The following SEMA5B variants were observed in gnomAD, a reference collection of about 807,000 sequenced individuals.
The protein encoded by SEMA5B is semaphorin-5B.
In SEMA5B, 66 loss-of-function variants were observed where a neutral mutation model predicts 135.0. The ratio of observed to expected loss-of-function variants is 0.49; its 90% CI spans 0.40 to 0.60. SEMA5B has a LOEUF of 0.60. Among genes scored for constraint, SEMA5B ranks in the 20% least tolerant of loss-of-function variants. SEMA5B has a pLI of 0.00. For missense variants in SEMA5B, 1,501 were observed against 1,566.3 expected (o/e 0.96, Z 0.70); for synonymous variants, 690 against 639.5 (o/e 1.08, Z -1.19).
At position 122,913,213 on chromosome 3, in the gene SEMA5B, G is replaced by T. The variant is rs1937850820; in HGVS notation, c.2492C>A (p.Ser831Tyr). Residue 831 changes from serine (S) to tyrosine (Y), a missense_variant, in exon 17 of 23, where the codon TCC becomes TAC. Ser to Tyr is a moderately radical substitution (Grantham distance 144, BLOSUM62 -2). Transcript: ENST00000357599. ...GCGCGGGGTACCGTCGGTGTCGCAG[G>T]AGCCGGAGCCGTCCGCGGGACAGGT... ...TRTCPADGSG[S>Y]CDTDALVEVL... is the part of the protein sequence containing the mutation. 1 of 1,567,908 alleles carries T rather than the reference G, an allele frequency of 6.4e-7. No individual in the cohort carries two copies.
chr3:122,913,995 C>T lies in SEMA5B; in HGVS notation c.1995G>A (p.Gly665=), dbSNP rs1252069424. 4 of 1,587,128 alleles carry T rather than the reference C, an allele frequency of 2.5e-6. No individual in the cohort carries two copies. Among genetic ancestry groups the T allele is most frequent in the African/African-American group, 1.3e-5 (1 of 74,218 alleles). The part of the protein sequence containing the change: ...AIHIANCSRN[G]AWTPWSSWAL... Reference sequence around the variant, plus strand: ...CCCACGATGACCACGGGGTCCACGCCCCATTCCTGGCGGGGTGGGAGGGGA... The same window carrying T: ...CCCACGATGACCACGGGGTCCACGCTCCATTCCTGGCGGGGTGGGAGGGGA... Residue 665 remains glycine, a synonymous_variant, in exon 15 of 23, where the codon GGG becomes GGA. Transcript: ENST00000357599.
intron 1 of SEMA5B, among the ~76,000 whole-genome samples, chr3:123,026,518 G>T (rs1168055384): frequency 6.6e-6 from 1 of 152,140 alleles, no homozygotes; most frequent in East Asian, 1.9e-4. Context: ...TAAAGTTTGC[G>T]GTGGGCAAAG....
At chr3:122,974,216 C>T (rs1941231755) in intron 1 of SEMA5B, among the ~76,000 whole-genome samples, 2 of 152,362 alleles carry the variant, frequency 1.3e-5, no homozygotes, top group African/African-American at 4.8e-5. Context: ...AGCACAAACC[C>T]ACTGTCCAGC....
intron 1 of SEMA5B, among the ~76,000 whole-genome samples, chr3:122,966,617 T>C (rs9289212): frequency 0.69 from 103,326 of 149,204 alleles, 36,278 homozygotes; most frequent in African/African-American, 0.8. Context: ...TGCAGTGGCG[T>C]GATCTCAGCT....
chr3:122,963,004 C>G (rs1374892574), intron 1 of SEMA5B, among the ~76,000 whole-genome samples: 1 of 152,202 alleles, frequency 6.6e-6, no homozygotes, highest in East Asian at 1.9e-4. Context: ...TGGCCACTCA[C>G]AGAGAGCAGA....
intron 3 of SEMA5B, among the ~76,000 whole-genome samples, chr3:122,946,571 G>A (rs1181241731): frequency 6.6e-6 from 1 of 152,184 alleles, no homozygotes; most frequent in East Asian, 1.9e-4. Context: ...AGTCCCTACT[G>A]TGTGCTCAGC....
chr3:122,969,043 T>C (rs1255508278), intron 1 of SEMA5B, among the ~76,000 whole-genome samples: 1 of 152,238 alleles, frequency 6.6e-6, no homozygotes, highest in Non-Finnish European at 1.5e-5. Context: ...TAATTTTAAT[T>C]ATATCTAAGC....
intron 1 of SEMA5B, among the ~76,000 whole-genome samples, chr3:123,025,560 G>A (rs551938529): frequency 7.9e-5 from 12 of 152,358 alleles, no homozygotes; most frequent in African/African-American, 2.9e-4. Flanking sequence ...GGAGGAGGAA[G>A]GCTCTGGCAC....
At chr3:122,950,872 G>A (rs1310750212) in intron 2 of SEMA5B, among the ~76,000 whole-genome samples, 2 of 152,156 alleles carry the variant, frequency 1.3e-5, no homozygotes, top group Admixed American at 1.3e-4. Context: ...AATAACCTAG[G>A]GTGTATCTTC....
At chr3:122,987,174 G>GGA (rs141114048) in intron 1 of SEMA5B, among the ~76,000 whole-genome samples, 14 of 150,814 alleles carry the variant, frequency 9.3e-5, no homozygotes, top group Non-Finnish European at 1.3e-4. Context: ...GGAAGGCAGG[G>GGA]GAGAGAGAGA....
At chr3:122,910,412 G>T in intron 22 of SEMA5B, 111 bp from the exon 23 acceptor site, 1 of 1,138,100 alleles carries the variant, frequency 8.8e-7, no homozygotes, top group Non-Finnish European at 1.3e-6. Context: ...TCAGACTGCG[G>T]ATCCAGTGCT....
chr3:122,980,747 G>A (rs1941498498), intron 1 of SEMA5B, among the ~76,000 whole-genome samples: 4 of 152,006 alleles, frequency 2.6e-5, no homozygotes, highest in South Asian at 4.1e-4. Flanking sequence ...GTGTACTATC[G>A]CCACCATTCA....
intron 1 of SEMA5B, chr3:122,976,212 C>T: frequency 6.9e-7 from 1 of 1,457,072 alleles, no homozygotes; most frequent in South Asian, 1.3e-5. Flanking sequence ...CTAGGACCAG[C>T]AGCATCTGCA....
chr3:122,961,760 G>A (rs1013935546), intron 1 of SEMA5B, among the ~76,000 whole-genome samples: 13 of 152,052 alleles, frequency 8.5e-5, no homozygotes, highest in African/African-American at 2.9e-4. Flanking sequence ...GACTACAAGC[G>A]TGAGCCACCA....
At position 122,969,298 on chromosome 3, in the gene SEMA5B, C is replaced by T. The variant is rs571879850; in HGVS notation, c.-38-7997G>A. ...TAGTCAGCCTGCTTCCCACCTCCTT[C>T]CAGGGATGCTTTGGAGACAGATTCA... On this transcript the variant is annotated intron_variant, in intron 1 of 22. Transcript: ENST00000357599. Among the ~76,000 whole-genome samples, 14 of 152,280 alleles carry T rather than the reference C, an allele frequency of 9.2e-5. No homozygotes were observed. In the South Asian group the frequency reaches 2.3e-3, roughly 25 times the overall value.
intron 7 of SEMA5B, 35 bp from the exon 8 acceptor site, chr3:122,928,038 T>C (rs1938741011): frequency 2.1e-6 from 3 of 1,399,450 alleles, no homozygotes; most frequent in Admixed American, 2.6e-5. Context: ...CACTTTTCCC[T>C]GAGGCCCTGG....
intron 1 of SEMA5B, among the ~76,000 whole-genome samples, chr3:122,989,853 C>T (rs1407449427): frequency 1.3e-5 from 2 of 152,142 alleles, no homozygotes; most frequent in African/African-American, 4.8e-5. Flanking sequence ...TGAAGACTCC[C>T]AAACAGTTGC....
rs1942344586 is a variant in SEMA5B at position 123,007,621 on chromosome 3, A to G, written c.-39+19843T>C. On this transcript the variant is annotated intron_variant, in intron 1 of 22. Coordinates refer to ENST00000357599, the MANE Select transcript of SEMA5B (RefSeq NM_001031702.4). ...GGGAGGGGAACTGGTGGCTCCTTCC[A>G]GAAGAGGAAAAGACTTAAGTGAGCA... Among the ~76,000 whole-genome samples the G allele has an allele frequency of 3.3e-5, 5 of 152,170 alleles. No homozygotes were observed. The South Asian group carries it at 1.0e-3, about 32-fold the overall frequency.
intron 5 of SEMA5B, among the ~76,000 whole-genome samples, chr3:122,931,639 C>A (rs1480791624): frequency 1.3e-5 from 2 of 152,182 alleles, no homozygotes; most frequent in African/African-American, 4.8e-5. Context: ...TTCTGAATCA[C>A]TTTTTAGAGT....
Sources: allele counts gnomAD v4.1 joint callset (sites outside exome capture counted in the v4.1 genomes callset), GRCh38; gene constraint gnomAD v4.1.1; transcripts MANE v1.5; gene names NCBI Gene and HGNC (gene_info 2026-07-23, HGNC 2026-07-21).